Variants in CCNY observed in about 807,000 individuals in gnomAD.
The protein encoded by CCNY is cyclin-Y.
In CCNY, 19 loss-of-function variants were observed where a neutral mutation model predicts 42.8. The observed-to-expected ratio is 0.44, with a 90% CI of 0.31 to 0.65. The LOEUF (loss-of-function observed/expected upper bound fraction) is 0.65, where lower values mean the gene tolerates loss of function less well. Among genes scored for constraint, CCNY ranks in the 30% least tolerant of loss-of-function variants. The probability of loss-of-function intolerance (pLI) is 0.07; values close to 1 mark genes in which losing one functional copy is unlikely to be tolerated. For synonymous variants in CCNY, 165 were observed against 162.7 expected, an observed-to-expected ratio of 1.01 and a Z score of -0.11; for missense variants, 370 against 437.3, an observed-to-expected ratio of 0.85 and a Z score of 1.37.
At chr10:35,334,325 C>CA (rs1835980915), upstream of CCNY, among the ~76,000 whole-genome samples, 1 of 152,226 alleles carries the variant, frequency 6.6e-6, no homozygotes, top group Non-Finnish European at 1.5e-5. Flanking sequence ...ATATGCCACA[C>CA]ACCTATGGTC....
chr10:35,490,654 C>G (rs1839877677), intron 2 of CCNY, among the ~76,000 whole-genome samples: 1 of 152,206 alleles, frequency 6.6e-6, no homozygotes. Flanking sequence ...GGAAGTCTTT[C>G]CAGCACCCCT....
intron 1 of CCNY, among the ~76,000 whole-genome samples, chr10:35,432,171 T>C (rs1838427634): frequency 6.6e-6 from 1 of 152,218 alleles, no homozygotes; most frequent in South Asian, 2.1e-4. Flanking sequence ...TAGATTTGAA[T>C]TGTAAGTGCT....
rs1003104364 is a variant in CCNY at position 35,560,949 on chromosome 10, C to T, written c.747-5074C>T. On this transcript the variant is annotated intron_variant, in intron 8 of 9. Coordinates refer to ENST00000374704, the MANE Select transcript of CCNY (RefSeq NM_145012.6). ...CACAAGGCTCACTGGAAGCTGGGGG[C>T]CCTGCACCAAGGTAAAGATGAGCAG... is the stretch of plus-strand genomic sequence containing the variant. Among the ~76,000 whole-genome samples the T allele has an allele frequency of 3.9e-5, 6 of 152,122 alleles. No individual in the cohort carries two copies. In the South Asian group the frequency reaches 1.2e-3, roughly 31 times the overall value.
At chr10:35,251,228 C>G (rs2095711861) in intron 3 of CCNY, among the ~76,000 whole-genome samples, 1 of 151,936 alleles carries the variant, frequency 6.6e-6, no homozygotes, top group Non-Finnish European at 1.5e-5. Context: ...GAAACCACAT[C>G]TCGACAAAAA....
Position 35,274,696 on chromosome 10 carries a change from G to A in CCNY, c.-9+24070G>A, listed in dbSNP as rs1437594948. 7.2e-5 allele frequency among the ~76,000 whole-genome samples: 11 copies of A among 152,178 alleles called. No homozygotes were observed. The East Asian group carries it at 1.5e-3, about 21-fold the overall frequency. On this transcript the variant is annotated intron_variant, in intron 3 of 11. Coordinates refer to the CCNY transcript ENST00000374706. ...ATGTGACAGAAGGCAGGGAGCTAAC[G>A]AAGTCCCGAGGGAAGACTGAAATGT...
chr10:35,431,957 T>C (rs765767572), intron 1 of CCNY, among the ~76,000 whole-genome samples: 3 of 152,178 alleles, frequency 2.0e-5, no homozygotes, highest in Non-Finnish European at 4.4e-5. Context: ...GTTTATAAGG[T>C]ATTCAGTTCT....
At chr10:35,350,394 A>G (rs1836404059) in intron 1 of CCNY, among the ~76,000 whole-genome samples, 1 of 152,126 alleles carries the variant, frequency 6.6e-6, no homozygotes, top group African/African-American at 2.4e-5. Flanking sequence ...GAGTACTCAC[A>G]GTGGACTTTT....
chr10:35,331,196 G>A (rs567499385), intron 3 of CCNY, among the ~76,000 whole-genome samples: 2 of 152,328 alleles, frequency 1.3e-5, no homozygotes, highest in African/African-American at 4.8e-5. Flanking sequence ...AACTATGGGA[G>A]ATGGGAGAAC....
intron 2 of CCNY, chr10:35,250,501 TATC>T (rs1339845042): frequency 1.3e-5 from 2 of 152,290 alleles, no homozygotes; most frequent in Non-Finnish European, 2.9e-5. Flanking sequence ...TATAAATACA[TATC>T]CCTGGGTCTC....
At chr10:35,343,999 A>T (rs1836244922) in intron 1 of CCNY, among the ~76,000 whole-genome samples, 1 of 152,198 alleles carries the variant, frequency 6.6e-6, no homozygotes, top group Non-Finnish European at 1.5e-5. Context: ...ATGACAGTTG[A>T]TGTAAGTCCC....
rs370543173 is a variant in CCNY, at chr10:35,285,947, A to C, written c.-9+35321A>C. Among the ~76,000 whole-genome samples, 33 of 151,884 alleles carry C rather than the reference A, an allele frequency of 2.2e-4. 2 individuals carry two copies. The South Asian group carries it at 6.3e-3, about 29-fold the overall frequency. On this transcript the variant is annotated intron_variant, in intron 3 of 11. Coordinates refer to the CCNY transcript ENST00000374706. ...CCTGCCTCAGCCTCCCAAGTAACTG[A>C]GATTACAGGCACGTGGCACCATGCA...
At chr10:35,418,320 C>A (rs1334221131) in intron 1 of CCNY, among the ~76,000 whole-genome samples, 1 of 152,004 alleles carries the variant, frequency 6.6e-6, no homozygotes, top group Non-Finnish European at 1.5e-5. Context: ...GGCTGAGAAA[C>A]CCCCACCCCC....
At chr10:35,286,472 C>T (rs1019459673) in intron 3 of CCNY, among the ~76,000 whole-genome samples, 3 of 151,560 alleles carry the variant, frequency 2.0e-5, no homozygotes, top group Admixed American at 1.3e-4. Context: ...GATTCTCCTG[C>T]CTCAGCCGCC....
At chr10:35,384,323 A>G (rs1407172251) in intron 1 of CCNY, among the ~76,000 whole-genome samples, 1 of 152,136 alleles carries the variant, frequency 6.6e-6, no homozygotes, top group African/African-American at 2.4e-5. Flanking sequence ...GAAAGAGGGT[A>G]GGGTATTACT....
At chr10:35,321,395 G>A (rs1835820578) in intron 3 of CCNY, among the ~76,000 whole-genome samples, 1 of 151,854 alleles carries the variant, frequency 6.6e-6, no homozygotes, top group Admixed American at 6.6e-5. Context: ...AGCAGGGGTG[G>A]GGCACGATGG....
chr10:35,544,622 G>A lies in CCNY; in HGVS notation c.580-8397G>A, dbSNP rs536591026. 2.0e-5 allele frequency among the ~76,000 whole-genome samples: 3 copies of A among 152,316 alleles called. No homozygotes were observed. In the South Asian group the frequency reaches 6.2e-4, roughly 32 times the overall value. On this transcript the variant is annotated intron_variant, in intron 7 of 9. Coordinates refer to ENST00000374704, the MANE Select transcript of CCNY (RefSeq NM_145012.6). ...AGAGACAGCACCCAAGGTTTGTGTTGAGTGTTGGTTACGCAGACATCCTCT... is the reference window on the plus strand; with the variant it reads ...AGAGACAGCACCCAAGGTTTGTGTTAAGTGTTGGTTACGCAGACATCCTCT...
chr10:35,338,001 T>A (rs2135114991), intron 1 of CCNY, among the ~76,000 whole-genome samples: 1 of 152,374 alleles, frequency 6.6e-6, no homozygotes, highest in East Asian at 1.9e-4. Flanking sequence ...TTATTAGCAC[T>A]GTTGCTCAGT....
chr10:35,400,600 T>C (rs1214834744), intron 1 of CCNY, among the ~76,000 whole-genome samples: 2 of 152,340 alleles, frequency 1.3e-5, no homozygotes, highest in East Asian at 3.9e-4. Context: ...AAAAGAATTA[T>C]CAGTAGCTGT....
chr10:35,360,660 T>G (rs1315365655), intron 1 of CCNY, among the ~76,000 whole-genome samples: 1 of 152,054 alleles, frequency 6.6e-6, no homozygotes, highest in East Asian at 1.9e-4. Flanking sequence ...ATAGAAAAAA[T>G]TACCTGTAAT....
Sources: gnomAD v4.1 joint callset for allele counts (sites outside exome capture counted in the v4.1 genomes callset) on GRCh38, gnomAD v4.1.1 for gene constraint, MANE v1.5 for transcripts, NCBI Gene and HGNC (gene_info 2026-07-23, HGNC 2026-07-21) for gene names.